Variants in FRMD3 observed in about 807,000 individuals in gnomAD.
The protein encoded by FRMD3 is FERM domain containing 3, also known as FERM domain-containing protein 3.
In FRMD3, 33 loss-of-function variants were observed where a neutral mutation model predicts 70.2. The ratio of observed to expected loss-of-function variants is 0.47; its 90% CI spans 0.36 to 0.63. FRMD3 has a LOEUF of 0.63. Among genes scored for constraint, FRMD3 ranks in the 20% least tolerant of loss-of-function variants. The pLI, the probability that FRMD3 is intolerant of heterozygous loss-of-function variation, is 0.00. For synonymous variants in FRMD3, 279 were observed against 255.9 expected (o/e 1.09, Z -0.86); for missense variants, 632 against 711.4 (o/e 0.89, Z 1.27).
intron 1 of FRMD3, among the ~76,000 whole-genome samples, chr9:83,535,187 G>A (rs576281806): frequency 6.6e-6 from 1 of 152,300 alleles, no homozygotes; most frequent in South Asian, 2.1e-4. Context: ...GACATAATGA[G>A]TGGAAAAGGC....
intron 12 of FRMD3, among the ~76,000 whole-genome samples, chr9:83,296,984 G>GTGAT (rs10694269): frequency 0.029 from 4,428 of 152,226 alleles, 160 homozygotes; most frequent in African/African-American, 0.085. Context: ...GAATCCTGAG[G>GTGAT]TGATCCCTGT....
chr9:83,440,306 G>T (rs946475878), intron 1 of FRMD3, among the ~76,000 whole-genome samples: 1 of 152,232 alleles, frequency 6.6e-6, no homozygotes, highest in African/African-American at 2.4e-5. Context: ...AAATACAAAT[G>T]TAATCAATAC....
intron 1 of FRMD3, among the ~76,000 whole-genome samples, chr9:83,526,530 T>C (rs576252468): frequency 6.6e-6 from 1 of 152,232 alleles, no homozygotes; most frequent in Non-Finnish European, 1.5e-5. Flanking sequence ...ACTTGTCCTT[T>C]AATTATTAAT....
intron 1 of FRMD3, among the ~76,000 whole-genome samples, chr9:83,434,859 C>T (rs979046272): frequency 1.4e-4 from 16 of 115,386 alleles, no homozygotes; most frequent in Non-Finnish European, 2.5e-4. Context: ...CAGGGTCTGG[C>T]TCTGTCACCC....
upstream of FRMD3, among the ~76,000 whole-genome samples, chr9:83,540,720 A>G (rs1243317704): frequency 6.6e-6 from 1 of 152,182 alleles, no homozygotes; most frequent in Non-Finnish European, 1.5e-5. Context: ...TTAAAACTGG[A>G]CCACTGAAAG....
chr9:83,520,222 C>A (rs1053924546), intron 1 of FRMD3, among the ~76,000 whole-genome samples: 1 of 152,146 alleles, frequency 6.6e-6, no homozygotes, highest in Non-Finnish European at 1.5e-5. Flanking sequence ...ATTCCTTCCC[C>A]CCCTGGACTT....
intron 6 of FRMD3, among the ~76,000 whole-genome samples, chr9:83,315,161 C>T (rs1010876118): frequency 1.3e-5 from 2 of 152,116 alleles, no homozygotes; most frequent in African/African-American, 4.8e-5. Flanking sequence ...TCTTATCCCT[C>T]TGAGGGTACC....
chr9:83,478,095 T>G (rs538623188), intron 1 of FRMD3, among the ~76,000 whole-genome samples: 1 of 152,200 alleles, frequency 6.6e-6, no homozygotes, highest in Non-Finnish European at 1.5e-5. Flanking sequence ...AACTACATCA[T>G]GAAGAACAAA....
At chr9:83,281,323 T>C (rs1370110229) in intron 13 of FRMD3, among the ~76,000 whole-genome samples, 1 of 152,182 alleles carries the variant, frequency 6.6e-6, no homozygotes, top group African/African-American at 2.4e-5. Context: ...CTTAGGGAAG[T>C]AGTGAGAGTG....
intron 13 of FRMD3, chr9:83,267,007 C>T: frequency 2.6e-6 from 4 of 1,550,728 alleles, no homozygotes; most frequent in African/African-American, 2.7e-5. Context: ...GGGCACCACA[C>T]ATACCAGTGT....
At chr9:83,536,930 T>TAAAAAAAAAAAAAAAAAAAAAAAAACAAA (rs142272516) in intron 1 of FRMD3, among the ~76,000 whole-genome samples, 1 of 60,894 alleles carries the variant, frequency 1.6e-5, no homozygotes, top group Non-Finnish European at 3.2e-5. Context: ...TGTATTACAC[T>TAAAAAAAAAAAAAAAAAAAAAAAAACAAA]AAAAAAAAAA....
chr9:83,482,406 G>A (rs1004075266), intron 1 of FRMD3, among the ~76,000 whole-genome samples: 2 of 151,990 alleles, frequency 1.3e-5, no homozygotes, highest in African/African-American at 4.8e-5. Context: ...TGCCTGAGAG[G>A]GCTGTTAGGA....
chr9:83,323,508 G>T (rs1835888588), intron 6 of FRMD3, among the ~76,000 whole-genome samples: 1 of 152,060 alleles, frequency 6.6e-6, no homozygotes, highest in Non-Finnish European at 1.5e-5. Flanking sequence ...ATTTCGTGAG[G>T]GTTTTGCCTT....
rs1324580967 is a variant in FRMD3 at position 83,343,212 on chromosome 9, G to A, written c.450C>T (p.Tyr150=). Residue 150 remains tyrosine, a synonymous_variant, in exon 5 of 14, where the codon TAC becomes TAT. Coordinates refer to ENST00000304195, the MANE Select transcript of FRMD3 (RefSeq NM_174938.6). ...TACCTTGAACAATACAGGCACCCAG[G>A]TAGGCAGCATCAGAAAAGGAGCACA... ...RLLCSFSDAA[Y]LGACIVQAEL... The A allele has an allele frequency of 2.5e-6, 4 of 1,613,592 alleles. No individual in the cohort carries two copies. Among genetic ancestry groups the A allele is most frequent in the South Asian group, 2.2e-5 (2 of 91,064 alleles).
At chr9:83,582,750 G>A in the FRMD3 span, among the ~76,000 whole-genome samples, 1 of 152,220 alleles carries the variant, frequency 6.6e-6, no homozygotes, top group African/African-American at 2.4e-5. Flanking sequence ...TCAAAGCCCT[G>A]GAATTAGCAT....
chr9:83,538,248 G>A lies in FRMD3; in HGVS notation c.-17C>T, dbSNP rs771626346. 1 of 1,548,108 alleles carries A rather than the reference G, an allele frequency of 6.5e-7. No individual in the cohort carries two copies. Among genetic ancestry groups the A allele is most frequent in the South Asian group, 1.2e-5 (1 of 84,266 alleles). On this transcript the variant is annotated 5_prime_UTR_variant, in exon 1 of 14. Transcript: ENST00000304195. This position sits in a 1 kb window ranked among gnomAD's most constrained non-coding sequence, Gnocchi z 4.7. ...GGCGAACATGCACCGCGGCCGTGGG[G>A]AGCGAGCGGGAGGCTCAGGGCCGGC...
At chr9:83,419,750 A>C (rs749761991) in intron 1 of FRMD3, among the ~76,000 whole-genome samples, 7 of 152,090 alleles carry the variant, frequency 4.6e-5, no homozygotes, top group Non-Finnish European at 1.0e-4. Context: ...GCTGGGAAGC[A>C]CACCTTCTAT....
At chr9:83,364,564 A>C (rs1824728367) in intron 3 of FRMD3, among the ~76,000 whole-genome samples, 1 of 152,082 alleles carries the variant, frequency 6.6e-6, no homozygotes, top group Non-Finnish European at 1.5e-5. Flanking sequence ...CCAAAAAAAA[A>C]AAAAAATCAA....
chr9:83,442,352 G>C (rs1827325735), intron 1 of FRMD3, among the ~76,000 whole-genome samples: 1 of 150,640 alleles, frequency 6.6e-6, no homozygotes, highest in African/African-American at 2.5e-5. Context: ...CCACCTCCTG[G>C]GTTCAAGCAA....
Sources: gnomAD v4.1 joint callset for allele counts (sites outside exome capture counted in the v4.1 genomes callset) on GRCh38, gnomAD v4.1.1 for gene constraint, Gnocchi (gnomAD v3.1) non-coding constraint, MANE v1.5 for transcripts, NCBI Gene and HGNC (gene_info 2026-07-23, HGNC 2026-07-21) for gene names.